The following NQO1 variants were observed in gnomAD, a reference collection of about 807,000 sequenced individuals.
The protein encoded by NQO1 is NAD(P)H dehydrogenase [quinone] 1.
A neutral mutation model predicts 32.1 loss-of-function variants in NQO1; 30 were observed. That is an observed-to-expected ratio of 0.94 (90% CI 0.70 to 1.27). NQO1 has a LOEUF of 1.27. Among genes scored for constraint, NQO1 ranks in the 50% most tolerant of loss-of-function variants. The pLI is 0.00. For synonymous variants in NQO1, 109 were observed against 119.7 expected (o/e 0.91, Z 0.59); for missense variants, 276 against 331.3 (o/e 0.83, Z 1.30).
At chr16:69,717,019 C>T (rs1167885895) in intron 3 of NQO1, among the ~76,000 whole-genome samples, 1 of 149,412 alleles carries the variant, frequency 6.7e-6, no homozygotes, top group African/African-American at 2.5e-5. Flanking sequence ...TTCTTAGCAA[C>T]AGGCCTGTGG....
At position 69,711,107 on chromosome 16, in the gene NQO1, T is replaced by G; in HGVS notation, c.694A>C (p.Asn232His). Residue 232 changes from asparagine to histidine, a missense_variant, in exon 6 of 6, where the codon AAC becomes CAC. By Grantham distance (68) the Asn-to-His change is moderately conservative (BLOSUM62 1). Transcript: ENST00000320623. Reference sequence around the variant, plus strand: ...TTCATTAAGAATCCTGCCTGGAAGTTTAGGTCAAAGAGGCTGCTTGGAGCA... The same window carrying G: ...TTCATTAAGAATCCTGCCTGGAAGTGTAGGTCAAAGAGGCTGCTTGGAGCA... ...YFAPSSLFDL[N>H]FQAGFLMKKE... is the part of the protein sequence containing the mutation. The G allele has an allele frequency of 6.2e-7, 1 of 1,614,180 alleles. No individual in the cohort carries two copies. The highest frequency in any genetic ancestry group is 8.5e-7 in the Non-Finnish European group (1 of 1,180,014).
In NQO1 at chr16:69,709,505, C is replaced by T. The variant is rs2038008737; in HGVS notation, c.*1471G>A. ...GCAACAAAATATTTTCAAACTGAAA[C>T]ACCCAGCCGTCAGCTATTGTGGATA... On this transcript the variant is annotated 3_prime_UTR_variant, in exon 6 of 6. Transcript: ENST00000320623. 2.0e-5 allele frequency: 7 copies of T among 354,522 alleles called. No homozygotes were observed. In the East Asian group the frequency reaches 2.5e-4, roughly 13 times the overall value. 22.0% of individuals were successfully genotyped at this position (354,522 alleles called of 1,614,324 possible).
At chr16:69,722,591 G>A (rs1480610594) in intron 1 of NQO1, among the ~76,000 whole-genome samples, 1 of 152,318 alleles carries the variant, frequency 6.6e-6, no homozygotes, top group East Asian at 1.9e-4. Context: ...TGCCTCTTGG[G>A]CTAAATTCAG....
chr16:69,713,559 T>A (rs2038069233), intron 4 of NQO1, among the ~76,000 whole-genome samples: 1 of 152,166 alleles, frequency 6.6e-6, no homozygotes, highest in South Asian at 2.1e-4. Flanking sequence ...CTTCTTTTGT[T>A]TTTATTATGG....
At position 69,711,063 on chromosome 16, in the gene NQO1, C is replaced by T; in HGVS notation, c.738G>A (p.Glu246=). 1 of 1,614,170 alleles carries T rather than the reference C, an allele frequency of 6.2e-7. No individual in the cohort carries two copies. The highest frequency in any genetic ancestry group is 8.5e-7 in the Non-Finnish European group (1 of 1,180,014). Residue 246 remains glutamate (E), a synonymous_variant, in exon 6 of 6, where the codon GAG becomes GAA. Coordinates refer to ENST00000320623, the MANE Select transcript of NQO1 (RefSeq NM_000903.3). ...AAAGGCCAAATTTCTTGTTTTTCTC[C>T]TCATCCTGTACCTCTTTTTTCATTA... ...GFLMKKEVQD[E]EKNKKFGLSV...
chr16:69,713,080 T>C lies in NQO1; in HGVS notation c.467A>G (p.Tyr156Cys), dbSNP rs2038062591. Residue 156 changes from tyrosine to cysteine, a missense_variant, in exon 5 of 6, where the codon TAC becomes TGC. Physicochemically the swap from Tyr to Cys is radical, Grantham distance 194. Transcript: ENST00000320623. ...SITTGGSGSM[Y>C]SLQGIHGDMN... ...GTCCCCGTGGATCCCTTGCAGAGAG[T>C]ACATGGAGCCACTGCCACCAGTGGT... The C allele has an allele frequency of 6.2e-7, 1 of 1,613,852 alleles. No individual in the cohort carries two copies. The highest frequency in any genetic ancestry group is 1.1e-5 in the South Asian group (1 of 91,060).
chr16:69,720,969 C>A (rs997438953), intron 1 of NQO1, among the ~76,000 whole-genome samples: 1 of 151,844 alleles, frequency 6.6e-6, no homozygotes, highest in Non-Finnish European at 1.5e-5. Context: ...CAGCCTTGAC[C>A]TCTCAGGCTC....
intron 1 of NQO1, among the ~76,000 whole-genome samples, 199 bp downstream of exon 1, chr16:69,726,234 A>C (rs1046771980): frequency 1.3e-5 from 2 of 152,108 alleles, no homozygotes; most frequent in African/African-American, 4.8e-5. Context: ...GGAGTGAGGA[A>C]GGATCCGCGA....
rs2038008629 is a variant in NQO1, at chr16:69,709,499, C to T, written c.*1477G>A. ...ATGAAGGCAACAAAATATTTTCAAA[C>T]TGAAACACCCAGCCGTCAGCTATTG... On this transcript the variant is annotated 3_prime_UTR_variant, in exon 6 of 6. Coordinates refer to ENST00000320623, the MANE Select transcript of NQO1 (RefSeq NM_000903.3). The T allele has an allele frequency of 2.9e-6, 1 of 344,444 alleles. No homozygotes were observed. The highest frequency in any genetic ancestry group is 2.1e-5 in the African/African-American group (1 of 47,566). 21.3% of individuals were successfully genotyped at this position (344,444 alleles called of 1,614,324 possible). A position where few individuals can be genotyped will look rare whatever the true frequency, so the allele number is the denominator to read the frequency against.
chr16:69,723,931 G>A (rs2038227108), intron 1 of NQO1, among the ~76,000 whole-genome samples: 1 of 152,112 alleles, frequency 6.6e-6, no homozygotes, highest in Non-Finnish European at 1.5e-5. Context: ...GACTATTAGA[G>A]TTTACCCTGA....
intron 1 of NQO1, among the ~76,000 whole-genome samples, chr16:69,720,282 T>TG (rs1301683209): frequency 6.6e-6 from 1 of 151,566 alleles, no homozygotes; most frequent in East Asian, 1.9e-4. Flanking sequence ...TTTTAAAAAT[T>TG]AAAAAAATTA....
At chr16:69,725,602 C>T (rs2151748436) in intron 1 of NQO1, among the ~76,000 whole-genome samples, 1 of 152,268 alleles carries the variant, frequency 6.6e-6, no homozygotes, top group South Asian at 2.1e-4. Context: ...AGGCCAGGCA[C>T]GGTGGCTCAC....
Position 69,710,775 on chromosome 16 carries a change from G to T in NQO1, c.*201C>A. On this transcript the variant is annotated 3_prime_UTR_variant, in exon 6 of 6. Coordinates refer to ENST00000320623, the MANE Select transcript of NQO1 (RefSeq NM_000903.3). The stretch of plus-strand genomic sequence containing the variant: ...CTAAGTGGCCTCTTGAGCCCAGTCG[G>T]ATTTTGGTTATATGCCATGATAGTA... 1 of 613,668 alleles carries T rather than the reference G, an allele frequency of 1.6e-6. No homozygotes were observed. The highest frequency in any genetic ancestry group is 2.7e-6 in the Non-Finnish European group (1 of 366,438). 38.0% of individuals were successfully genotyped at this position (613,668 alleles called of 1,614,324 possible).
Position 69,711,231 on chromosome 16 carries a change from T to C in NQO1, c.570A>G (p.Thr190=), listed in dbSNP as rs1597594678. Residue 190 remains threonine (T), a synonymous_variant, in exon 6 of 6, where the codon ACA becomes ACG. Coordinates refer to ENST00000320623, the MANE Select transcript of NQO1 (RefSeq NM_000903.3). ...CTGCTGGAGTGTGCCCAATGCTATA[T>C]GTCAGTTGAGGTTCTAAGACTTGGA... ...CGFQVLEPQL[T]YSIGHTPADA... is the part of the protein sequence containing the mutation. 2.5e-6 allele frequency: 4 copies of C among 1,613,056 alleles called. No homozygotes were observed. Among genetic ancestry groups the C allele is most frequent in the Non-Finnish European group, 2.5e-6 (3 of 1,179,036 alleles).
Position 69,718,247 on chromosome 16 carries a change from A to C in NQO1, c.179T>G (p.Leu60Arg). 6.2e-7 allele frequency: 1 copy of C among 1,614,138 alleles called. No individual in the cohort carries two copies. Among genetic ancestry groups the C allele is most frequent in the South Asian group, 1.1e-5 (1 of 91,088 alleles). The change falls in exon 3 of 6, where the codon CTG becomes CGG. Residue 60 changes from leucine to arginine, a missense_variant. Transcript: ENST00000320623. ...IISRKDITGK[L>R]KDPANFQYPA... is the part of the protein sequence containing the mutation. ...ATACTGAAAGTTCGCAGGGTCCTTCAGTTTACCTGCAGAGAAGAAAAAGAG... is the reference window on the plus strand; with the variant it reads ...ATACTGAAAGTTCGCAGGGTCCTTCCGTTTACCTGCAGAGAAGAAAAAGAG...
chr16:69,709,928 T>A lies in NQO1; in HGVS notation c.*1048A>T, dbSNP rs2038015961. ...ATTTGTATAGATCAGAAATAAAGTA[T>A]TTTTTGTGGAAGACTATTTTTAAGT... On this transcript the variant is annotated 3_prime_UTR_variant, in exon 6 of 6. Transcript: ENST00000320623. The A allele has an allele frequency of 2.5e-6, 1 of 397,950 alleles. No individual in the cohort carries two copies. The highest frequency in any genetic ancestry group is 4.4e-6 in the Non-Finnish European group (1 of 225,716). The allele number at this position is 397,950 out of a possible 1,614,324, so 24.7% of individuals were successfully genotyped here.
In NQO1 at chr16:69,711,142, G is replaced by A. The variant is rs1272332646; in HGVS notation, c.659C>T (p.Pro220Leu). The change falls in exon 6 of 6, where the codon CCA (proline) becomes CTA (leucine). Residue 220 changes from proline (P) to leucine (L), a missense_variant. Transcript: ENST00000320623. ...KRLENIWDET[P>L]LYFAPSSLFD... ...GAGGCTGCTTGGAGCAAAATACAGT[G>A]GTGTCTCATCCCAAATATTCTCCAG... The A allele has an allele frequency of 5.6e-6, 9 of 1,614,108 alleles. No homozygotes were observed. Among genetic ancestry groups the A allele is most frequent in the Non-Finnish European group, 7.6e-6 (9 of 1,180,010 alleles).
At chr16:69,721,481 G>A (rs1021827858) in intron 1 of NQO1, among the ~76,000 whole-genome samples, 1 of 152,086 alleles carries the variant, frequency 6.6e-6, no homozygotes, top group African/African-American at 2.4e-5. Context: ...CTTGATCTTC[G>A]ACTTCCCAGC....
In NQO1 at chr16:69,718,182, T is replaced by A. The variant is rs369179544; in HGVS notation, c.244A>T (p.Ser82Cys). The A allele has an allele frequency of 1.2e-6, 2 of 1,614,004 alleles. No individual in the cohort carries two copies. The highest frequency in any genetic ancestry group is 4.5e-5 in the East Asian group (2 of 44,884). The change falls in exon 3 of 6, where the codon AGC (serine) becomes TGC (cysteine). Residue 82 changes from serine to cysteine, a missense_variant. Coordinates refer to ENST00000320623, the MANE Select transcript of NQO1 (RefSeq NM_000903.3). Reference protein sequence around the residue: ...SVLAYKEGHLSPDIVAEQKKL... With the variant: ...SVLAYKEGHLCPDIVAEQKKL... ...TTTTGTTCAGCCACAATATCTGGGC[T>A]CAGATGGCCTTCTTTATAAGCCAGA...
Sources: allele counts gnomAD v4.1 joint callset (sites outside exome capture counted in the v4.1 genomes callset), GRCh38; gene constraint gnomAD v4.1.1; transcripts MANE v1.5; gene names NCBI Gene and HGNC (gene_info 2026-07-23, HGNC 2026-07-21).